The following FMN2 variants were observed in gnomAD, a reference collection of about 807,000 sequenced individuals.
FMN2 encodes the protein formin-2.
In FMN2, 51 loss-of-function variants were observed where a neutral mutation model predicts 142.3. The ratio of observed to expected loss-of-function variants is 0.36; its 90% CI spans 0.29 to 0.45. The LOEUF is 0.45. Ranked by LOEUF, FMN2 falls within the 20% of genes least tolerant of loss-of-function variation. FMN2 has a pLI of 1.00. For synonymous variants in FMN2, 882 were observed against 869.8 expected (o/e 1.01, Z -0.25); for missense variants, 1,936 against 2,122.8 (o/e 0.91, Z 1.73).
At chr1:240,200,759 G>A (rs1376690969) in intron 4 of FMN2, among the ~76,000 whole-genome samples, 3 of 151,788 alleles carry the variant, frequency 2.0e-5, no homozygotes, top group Non-Finnish European at 4.4e-5. Context: ...CTCTACAGTG[G>A]GAATAATGTA....
chr1:240,100,493 A>G (rs1372989567), intron 1 of FMN2, among the ~76,000 whole-genome samples: 1 of 152,240 alleles, frequency 6.6e-6, no homozygotes, highest in Non-Finnish European at 1.5e-5. Flanking sequence ...TATGGAAAAT[A>G]TGACCTCAGT....
rs1396380924 is a variant in FMN2, at chr1:240,448,570, C to T, written c.5060+10360C>T. Among the ~76,000 whole-genome samples, 5 of 152,108 alleles carry T rather than the reference C, an allele frequency of 3.3e-5. No homozygotes were observed. The East Asian group carries it at 5.8e-4, about 18-fold the overall frequency. ...GTGGCACACGCTTGTATCCCCAGCA[C>T]TTTGGGAGGCTGAGGGAGGACAATT... On this transcript the variant is annotated intron_variant, in intron 16 of 17. Transcript: ENST00000319653.
intron 4 of FMN2, among the ~76,000 whole-genome samples, chr1:240,203,256 A>C (rs1267229989): frequency 6.6e-6 from 1 of 152,190 alleles, no homozygotes. Context: ...CAGTGTGGCA[A>C]TTCCTAGACC....
At chr1:240,203,890 T>TC (rs1321515714) in intron 4 of FMN2, among the ~76,000 whole-genome samples, 1 of 152,196 alleles carries the variant, frequency 6.6e-6, no homozygotes, top group Admixed American at 6.5e-5. Context: ...ATATAGTTTT[T>TC]CCCCACAAAA....
chr1:240,258,731 C>T (rs1668531600), intron 7 of FMN2, among the ~76,000 whole-genome samples: 1 of 152,086 alleles, frequency 6.6e-6, no homozygotes, highest in South Asian at 2.1e-4. Flanking sequence ...ATGCCATATC[C>T]TCCTATGATA....
chr1:240,334,086 T>C (rs1459174202), intron 12 of FMN2, 23 bp from the exon 13 acceptor site: 1 of 1,580,420 alleles, frequency 6.3e-7, no homozygotes, highest in Middle Eastern at 1.7e-4. Flanking sequence ...TCTTTAAATA[T>C]GATGGGGTTT....
intron 2 of FMN2, chr1:240,142,959 C>A: frequency 6.3e-7 from 1 of 1,598,872 alleles, no homozygotes; most frequent in East Asian, 2.2e-5. Flanking sequence ...GTGTGATTTG[C>A]CTAGAATAAT....
intron 4 of FMN2, among the ~76,000 whole-genome samples, chr1:240,190,202 G>C (rs7544675): frequency 6.6e-6 from 1 of 152,020 alleles, no homozygotes; most frequent in African/African-American, 2.4e-5. Flanking sequence ...TTTACAACTT[G>C]AAGACTCAAG....
intron 16 of FMN2, among the ~76,000 whole-genome samples, chr1:240,444,209 G>A (rs1233266451): frequency 6.6e-6 from 1 of 152,188 alleles, no homozygotes; most frequent in Non-Finnish European, 1.5e-5. Flanking sequence ...AGACGTTCAA[G>A]TATGTTAAAT....
intron 7 of FMN2, among the ~76,000 whole-genome samples, chr1:240,276,565 G>A (rs976511531): frequency 6.6e-6 from 1 of 152,150 alleles, no homozygotes; most frequent in African/African-American, 2.4e-5. Flanking sequence ...TTGCACCAAA[G>A]CAAAAGGAAA....
chr1:240,399,009 G>A (rs1319797761), intron 15 of FMN2, among the ~76,000 whole-genome samples: 1 of 152,140 alleles, frequency 6.6e-6, no homozygotes, highest in Admixed American at 6.5e-5. Context: ...GCCCTGGGCA[G>A]TCTCGGATGG....
chr1:240,217,231 A>G (rs984182553), intron 6 of FMN2, among the ~76,000 whole-genome samples: 1 of 152,186 alleles, frequency 6.6e-6, no homozygotes, highest in Non-Finnish European at 1.5e-5. Context: ...TTTATTGCAG[A>G]TATTCATTTT....
At chr1:240,429,925 G>C (rs911115169) in intron 15 of FMN2, among the ~76,000 whole-genome samples, 5 of 146,852 alleles carry the variant, frequency 3.4e-5, no homozygotes, top group African/African-American at 1.3e-4. Flanking sequence ...TCGCTCTGCC[G>C]CCCAGGCTGG....
At chr1:240,194,669 T>C (rs1489341683) in intron 4 of FMN2, among the ~76,000 whole-genome samples, 1 of 152,210 alleles carries the variant, frequency 6.6e-6, no homozygotes, top group Non-Finnish European at 1.5e-5. Flanking sequence ...GCTGAAACAG[T>C]AAGTTGTTTT....
chr1:240,094,343 A>C (rs2103162193), intron 1 of FMN2, among the ~76,000 whole-genome samples: 1 of 152,352 alleles, frequency 6.6e-6, no homozygotes, highest in Non-Finnish European at 1.5e-5. Context: ...ACATGCTATT[A>C]GAAAATTAAT....
intron 7 of FMN2, among the ~76,000 whole-genome samples, chr1:240,270,101 T>A (rs973020807): frequency 1.3e-5 from 2 of 152,138 alleles, no homozygotes; most frequent in African/African-American, 4.8e-5. Context: ...CGTCCTTGTC[T>A]TGTTTCTGAT....
intron 8 of FMN2, among the ~76,000 whole-genome samples, chr1:240,318,357 C>G (rs1670858777): frequency 6.6e-6 from 1 of 152,194 alleles, no homozygotes. Context: ...TCTGGCAGAC[C>G]ACTTTTTTCC....
intron 2 of FMN2, chr1:240,144,478 C>A: frequency 2.6e-6 from 4 of 1,554,750 alleles, no homozygotes; most frequent in Non-Finnish European, 3.6e-6. Flanking sequence ...ACACCCCATG[C>A]CAGCCTAGCA....
At position 240,435,385 on chromosome 1, in the gene FMN2, T is replaced by TA. The variant is rs569151164; in HGVS notation, c.4911-2663dup. The stretch of plus-strand genomic sequence containing the variant: ...AGAAGCTTTTGTGCCTACTGGTAAC[T>TA]AAAAAAAAAAAAATCTTCAGAGAAC... On this transcript the variant is annotated intron_variant, in intron 15 of 17. Coordinates refer to ENST00000319653, the MANE Select transcript of FMN2 (RefSeq NM_020066.5). Among the ~76,000 whole-genome samples, 310 of 141,254 alleles carry TA rather than the reference T, an allele frequency of 2.2e-3. 8 individuals carry two copies. The South Asian group carries it at 0.054, about 25-fold the overall frequency. 92.7% of individuals were successfully genotyped at this position (141,254 alleles called of 152,430 possible). A position where few individuals can be genotyped will look rare whatever the true frequency, so the allele number is the denominator to read the frequency against.
Sources: allele counts gnomAD v4.1 joint callset (sites outside exome capture counted in the v4.1 genomes callset), GRCh38; gene constraint gnomAD v4.1.1; transcripts MANE v1.5; gene names NCBI Gene and HGNC (gene_info 2026-07-23, HGNC 2026-07-21).